The following GLIS3 variants were observed in gnomAD, a reference collection of about 807,000 sequenced individuals.
The protein encoded by GLIS3 is zinc finger protein GLIS3.
In GLIS3, 53 loss-of-function variants were observed where a neutral mutation model predicts 78.6. The observed-to-expected ratio is 0.67, with a 90% CI of 0.54 to 0.85. The LOEUF is 0.85. GLIS3 is among the 40% of genes least tolerant of loss of function. GLIS3 has a pLI of 0.00. For missense variants in GLIS3, 1,703 were observed against 1,231.1 expected, an observed-to-expected ratio of 1.38 and a Z score of -5.74; for synonymous variants, 684 against 509.9, an observed-to-expected ratio of 1.34 and a Z score of -4.60.
At chr9:4,375,806 A>T in the GLIS3 span, among the ~76,000 whole-genome samples, 1 of 152,224 alleles carries the variant, frequency 6.6e-6, no homozygotes, top group Non-Finnish European at 1.5e-5. Context: ...CTAGTACTTG[A>T]CAGAAAACAT....
the GLIS3 span, among the ~76,000 whole-genome samples, chr9:4,426,325 C>T: frequency 6.6e-6 from 1 of 152,212 alleles, no homozygotes; most frequent in Non-Finnish European, 1.5e-5. Flanking sequence ...TTCCCCACCT[C>T]CTGCTCCAAA....
At chr9:4,302,735 T>A (rs1419179101), upstream of GLIS3, among the ~76,000 whole-genome samples, 1 of 152,240 alleles carries the variant, frequency 6.6e-6, no homozygotes, top group African/African-American at 2.4e-5. Context: ...TAATTGTGCA[T>A]GCTCTTTGAA....
At chr9:4,160,459 C>T (rs1462360100) in intron 2 of GLIS3, among the ~76,000 whole-genome samples, 1 of 152,224 alleles carries the variant, frequency 6.6e-6, no homozygotes, top group African/African-American at 2.4e-5. Context: ...TCCCGCACAG[C>T]GGCAGGCCTG....
the GLIS3 span, among the ~76,000 whole-genome samples, chr9:4,437,452 C>A: frequency 6.6e-6 from 1 of 151,484 alleles, no homozygotes; most frequent in Non-Finnish European, 1.5e-5. Context: ...ATCTATCTAT[C>A]TATCTATCTA....
At chr9:3,835,870 G>A (rs1407527890) in intron 9 of GLIS3, among the ~76,000 whole-genome samples, 1 of 152,158 alleles carries the variant, frequency 6.6e-6, no homozygotes, top group Non-Finnish European at 1.5e-5. Flanking sequence ...GGATATAGTG[G>A]TAAATAAATC....
chr9:4,123,733 G>A (rs1194919401), intron 3 of GLIS3: 2 of 397,342 alleles, frequency 5.0e-6, no homozygotes, highest in African/African-American at 4.1e-5. Context: ...GTATATGTTT[G>A]ACTATAACTG....
chr9:3,924,956 A>G (rs1825124165), intron 6 of GLIS3, among the ~76,000 whole-genome samples: 1 of 152,194 alleles, frequency 6.6e-6, no homozygotes. Flanking sequence ...TCCATAAGGT[A>G]GCTGTGCTAG....
chr9:4,233,264 T>A (rs1312550746), intron 2 of GLIS3, among the ~76,000 whole-genome samples: 1 of 152,218 alleles, frequency 6.6e-6, no homozygotes, highest in African/African-American at 2.4e-5. Flanking sequence ...AGCTGGCCAC[T>A]GTCACCACAG....
intron 2 of GLIS3, among the ~76,000 whole-genome samples, chr9:4,318,807 T>C (rs536921191): frequency 2.6e-4 from 39 of 152,328 alleles, no homozygotes; most frequent in Non-Finnish European, 4.6e-4. Context: ...AGTTTGTTGG[T>C]GAACAGGATA....
intron 4 of GLIS3, among the ~76,000 whole-genome samples, chr9:4,009,260 G>A (rs1821806539): frequency 6.6e-6 from 1 of 152,150 alleles, no homozygotes; most frequent in Admixed American, 6.5e-5. Flanking sequence ...CAGCCCGTGT[G>A]CAAAGACAGC....
At chr9:3,935,852 G>T (rs1479414659) in intron 5 of GLIS3, among the ~76,000 whole-genome samples, 2 of 152,064 alleles carry the variant, frequency 1.3e-5, no homozygotes, top group African/African-American at 4.8e-5. Flanking sequence ...CTACACCCAT[G>T]TTGCTCTAAT....
rs1192321549 is a variant in GLIS3, at chr9:3,898,829, A to T, written c.1990T>A (p.Ser664Thr). 1 of 1,614,098 alleles carries T rather than the reference A, an allele frequency of 6.2e-7. No homozygotes were observed. Among genetic ancestry groups the T allele is most frequent in the Admixed American group, 1.7e-5 (1 of 60,012 alleles). ...KEQQARKKLRSSTELHPDLLT... is the reference protein window; with the variant it reads ...KEQQARKKLRTSTELHPDLLT... Reference sequence around the variant, plus strand: ...AGGTCTGGATGGAGCTCTGTGCTGGACCGCAACTAAGAGGACAAAACGGAA... The same window carrying T: ...AGGTCTGGATGGAGCTCTGTGCTGGTCCGCAACTAAGAGGACAAAACGGAA... The change falls in exon 7 of 11, where the codon TCC becomes ACC. Residue 664 changes from serine to threonine, a missense_variant. Coordinates refer to ENST00000381971, the MANE Select transcript of GLIS3 (RefSeq NM_001042413.2).
At chr9:4,284,961 ATT>A (rs34494309) in intron 2 of GLIS3, among the ~76,000 whole-genome samples, 4 of 150,988 alleles carry the variant, frequency 2.6e-5, no homozygotes, top group South Asian at 2.1e-4. Context: ...GTTTAGTGCT[ATT>A]TTTTTTTTAA....
intron 2 of GLIS3, among the ~76,000 whole-genome samples, chr9:4,254,615 A>G (rs1208799519): frequency 6.6e-6 from 1 of 152,074 alleles, no homozygotes; most frequent in Non-Finnish European, 1.5e-5. Flanking sequence ...TGAGGCAGGC[A>G]GATTACCTGA....
At chr9:4,323,095 G>A (rs1208533321) in intron 2 of GLIS3, among the ~76,000 whole-genome samples, 2 of 152,104 alleles carry the variant, frequency 1.3e-5, no homozygotes, top group African/African-American at 2.4e-5. Flanking sequence ...TTTGTATAAG[G>A]TGTAAGGAAG....
chr9:4,109,187 G>C (rs1371757034), intron 4 of GLIS3, among the ~76,000 whole-genome samples: 2 of 152,092 alleles, frequency 1.3e-5, no homozygotes, highest in East Asian at 1.9e-4. Context: ...AAAAAATCTT[G>C]AAAAGGCTGA....
chr9:4,432,563 T>C, the GLIS3 span, among the ~76,000 whole-genome samples: 2 of 152,040 alleles, frequency 1.3e-5, no homozygotes, highest in Non-Finnish European at 1.5e-5. Flanking sequence ...GTGAGAAGTA[T>C]ATACACAAGC....
At chr9:4,055,794 T>A (rs998357640) in intron 4 of GLIS3, among the ~76,000 whole-genome samples, 2 of 152,230 alleles carry the variant, frequency 1.3e-5, no homozygotes, top group East Asian at 3.8e-4. Flanking sequence ...CCAGCTTCAT[T>A]GGAGGGATGT....
At chr9:4,006,546 T>C (rs1821568473) in intron 4 of GLIS3, among the ~76,000 whole-genome samples, 1 of 152,228 alleles carries the variant, frequency 6.6e-6, no homozygotes, top group East Asian at 1.9e-4. Context: ...GGACAGGGAA[T>C]GCAGGTATGT....
Sources: gnomAD v4.1 joint callset for allele counts (sites outside exome capture counted in the v4.1 genomes callset) on GRCh38, gnomAD v4.1.1 for gene constraint, MANE v1.5 for transcripts, NCBI Gene and HGNC (gene_info 2026-07-23, HGNC 2026-07-21) for gene names.